The following CARM1 variants were observed in gnomAD, a reference collection of about 807,000 sequenced individuals.
The protein encoded by CARM1 is histone-arginine methyltransferase CARM1.
A neutral mutation model predicts 72.7 loss-of-function variants in CARM1; 14 were observed. The observed-to-expected ratio is 0.19, with a 90% CI of 0.13 to 0.30. The LOEUF (loss-of-function observed/expected upper bound fraction) is 0.30, where lower values mean the gene tolerates loss of function less well. Among genes scored for constraint, CARM1 ranks in the 10% least tolerant of loss-of-function variants. The pLI is 1.00. For synonymous variants in CARM1, 333 were observed against 345.5 expected (o/e 0.96, Z 0.40); for missense variants, 432 against 833.7 (o/e 0.52, Z 5.93).
chr19:10,921,287 G>A (rs1437404613), intron 14 of CARM1, 88 bp from the exon 15 acceptor site: 94 of 1,523,102 alleles, frequency 6.2e-5, no homozygotes, highest in Non-Finnish European at 7.3e-5. Context: ...TCTCTGCCTC[G>A]CTCTGCAGCC....
chr19:10,921,510 C>G, intron 15 of CARM1, 67 bp downstream of exon 15: 2 of 1,567,544 alleles, frequency 1.3e-6, no homozygotes, highest in Non-Finnish European at 1.7e-6. Context: ...ATCCTCTGTC[C>G]GGCCGCCCGC....
chr19:10,889,283 C>G (rs2073964049), intron 1 of CARM1, among the ~76,000 whole-genome samples: 1 of 152,072 alleles, frequency 6.6e-6, no homozygotes, highest in Non-Finnish European at 1.5e-5. Flanking sequence ...GCCCATACAC[C>G]ACCCAGTGTC....
chr19:10,872,040 T>C (rs1367498887), intron 1 of CARM1, 118 bp downstream of exon 1: 2 of 866,186 alleles, frequency 2.3e-6, no homozygotes, highest in Non-Finnish European at 1.5e-6. Flanking sequence ...TCCCCGGGAC[T>C]GAGCCGGTGG....
At chr19:10,875,574 G>A (rs184973056) in intron 1 of CARM1, among the ~76,000 whole-genome samples, 12 of 152,034 alleles carry the variant, frequency 7.9e-5, no homozygotes, top group Middle Eastern at 3.4e-3. Flanking sequence ...ACAGGCGCCC[G>A]CCACCACGCC....
rs1451423773 is a variant in CARM1, at chr19:10,921,759, G to A, written c.*2G>A. 2 of 1,584,582 alleles carry A rather than the reference G, an allele frequency of 1.3e-6. No individual in the cohort carries two copies. Among genetic ancestry groups the A allele is most frequent in the Non-Finnish European group, 1.7e-6 (2 of 1,161,336 alleles). ...AACACCATGCACTACGGGAGCTAGG[G>A]GCCCGCCCCGCGGACTGACAGCACC... On this transcript the variant is annotated 3_prime_UTR_variant, in exon 16 of 16. Coordinates refer to ENST00000327064, the MANE Select transcript of CARM1 (RefSeq NM_199141.2).
Position 10,916,601 on chromosome 19 carries a change from G to A in CARM1, c.939-95G>A, listed in dbSNP as rs946492959. ...CACTCCTCTTTTTCTGAAAGACTTG[G>A]GCTAGATGAGGGCTGACTGGGAGAG... On this transcript the variant is annotated intron_variant, in intron 7 of 15. Coordinates refer to ENST00000327064, the MANE Select transcript of CARM1 (RefSeq NM_199141.2). The surrounding 1 kb of genome is among the most constrained non-coding windows in gnomAD (Gnocchi z 4.4). 3 of 1,381,790 alleles carry A rather than the reference G, an allele frequency of 2.2e-6. No individual in the cohort carries two copies. The Admixed American group carries it at 5.8e-5, about 27-fold the overall frequency. 85.6% of individuals were successfully genotyped at this position (1,381,790 alleles called of 1,614,324 possible).
chr19:10,920,364 C>A lies in CARM1; in HGVS notation c.1197-72C>A, dbSNP rs1202050857. ...AGGGGGCAGGTGCTTGGGGAGGACT[C>A]AAGGCATACAAGGTGGTGGCTCCAG... On this transcript the variant is annotated intron_variant, in intron 10 of 15. Coordinates refer to ENST00000327064, the MANE Select transcript of CARM1 (RefSeq NM_199141.2). The surrounding 1 kb of genome is among the most constrained non-coding windows in gnomAD (Gnocchi z 5.3). The A allele has an allele frequency of 5.8e-6, 9 of 1,541,470 alleles. No individual in the cohort carries two copies. The highest frequency in any genetic ancestry group is 8.8e-7 in the Non-Finnish European group (1 of 1,135,466).
intron 4 of CARM1, among the ~76,000 whole-genome samples, chr19:10,909,694 G>A (rs926439021): frequency 6.6e-6 from 1 of 152,108 alleles, no homozygotes; most frequent in Non-Finnish European, 1.5e-5. Flanking sequence ...CTGAGATCGC[G>A]CCACTGCACT....
At position 10,899,020 on chromosome 19, in the gene CARM1, C is replaced by CACGG. The variant is rs1475991677; in HGVS notation, c.221-5930_221-5927dup. ...GGAGTCTCCTGAACAAAGAGAGGAACACGGCTTAGCTTGTTTTTTTTTTTT... is the reference window on the plus strand; with the variant it reads ...GGAGTCTCCTGAACAAAGAGAGGAACACGGACGGCTTAGCTTGTTTTTTTTTTTT... On this transcript the variant is annotated intron_variant, in intron 1 of 15. Coordinates refer to ENST00000327064, the MANE Select transcript of CARM1 (RefSeq NM_199141.2). Among the ~76,000 whole-genome samples the CACGG allele has an allele frequency of 5.4e-5, 8 of 149,450 alleles. 1 individual carries two copies. Among genetic ancestry groups the CACGG allele is most frequent in the Admixed American group, 5.3e-4 (8 of 15,030 alleles).
chr19:10,885,049 CCAGGCCTTAGTT>C (rs2146308716), intron 1 of CARM1, among the ~76,000 whole-genome samples: 1 of 152,284 alleles, frequency 6.6e-6, no homozygotes, highest in South Asian at 2.1e-4. Context: ...ACACACATGC[CCAGGCCTTAGTT>C]CTGTTTGATG....
intron 1 of CARM1, among the ~76,000 whole-genome samples, chr19:10,895,491 G>A (rs373014803): frequency 6.6e-6 from 1 of 152,230 alleles, no homozygotes; most frequent in African/African-American, 2.4e-5. Flanking sequence ...TGCTTGTTCC[G>A]TTGCTTTCTG....
intron 1 of CARM1, among the ~76,000 whole-genome samples, chr19:10,900,178 G>C (rs2074053726): frequency 6.6e-6 from 1 of 152,166 alleles, no homozygotes. Context: ...CAGGGGTGGT[G>C]GCATGTGCGT....
At position 10,921,940 on chromosome 19, in the gene CARM1, T is replaced by C; in HGVS notation, c.*183T>C. On this transcript the variant is annotated 3_prime_UTR_variant, in exon 16 of 16. Transcript: ENST00000327064. ...CGCCGTCCCCACCCTAACCCCCACC[T>C]CCCGGCCCTGAGCGTGTGTCGCTGC... The C allele has an allele frequency of 1.8e-6, 1 of 565,924 alleles. No homozygotes were observed. The highest frequency in any genetic ancestry group is 3.5e-5 in the Admixed American group (1 of 28,458). 35.1% of individuals were successfully genotyped at this position (565,924 alleles called of 1,614,324 possible).
At position 10,912,147 on chromosome 19, in the gene CARM1, T is replaced by G. The variant is rs766366512; in HGVS notation, c.559-37T>G. On this transcript the variant is annotated intron_variant, in intron 4 of 15. Transcript: ENST00000327064. This position sits in a 1 kb window ranked among gnomAD's most constrained non-coding sequence, Gnocchi z 4.5. The stretch of plus-strand genomic sequence containing the variant: ...CTGTCACCTCCCCATCACCGTCGCC[T>G]CCTATGTCTCGCTCTCACCTCCCAC... 6.7e-7 allele frequency: 1 copy of G among 1,493,356 alleles called. No homozygotes were observed. The highest frequency in any genetic ancestry group is 9.3e-7 in the Non-Finnish European group (1 of 1,069,556). The allele number at this position is 1,493,356 out of a possible 1,614,324, so 92.5% of individuals were successfully genotyped here. A position where few individuals can be genotyped will look rare whatever the true frequency, so the allele number is the denominator to read the frequency against.
In CARM1 at chr19:10,906,539, C is replaced by T. The variant is rs562932301; in HGVS notation, c.346+1463C>T. On this transcript the variant is annotated intron_variant, in intron 2 of 15. Coordinates refer to ENST00000327064, the MANE Select transcript of CARM1 (RefSeq NM_199141.2). ...GTGCAGTGGCGCGATCTCGGCTCACCGCAACCTCCATCTCCCAGGTTCAAG... is the reference window on the plus strand; with the variant it reads ...GTGCAGTGGCGCGATCTCGGCTCACTGCAACCTCCATCTCCCAGGTTCAAG... 4.6e-5 allele frequency among the ~76,000 whole-genome samples: 7 copies of T among 152,082 alleles called. No homozygotes were observed. The South Asian group carries it at 8.3e-4, about 18-fold the overall frequency.
chr19:10,878,391 A>G (rs2073878670), intron 1 of CARM1, among the ~76,000 whole-genome samples: 3 of 152,174 alleles, frequency 2.0e-5, no homozygotes, highest in Admixed American at 1.3e-4. Flanking sequence ...AAGAGAAACC[A>G]AAAAATCCTC....
intron 1 of CARM1, among the ~76,000 whole-genome samples, chr19:10,873,171 A>G (rs1262976480): frequency 6.6e-6 from 1 of 152,122 alleles, no homozygotes; most frequent in African/African-American, 2.4e-5. Flanking sequence ...AGCAAAACCT[A>G]TTCACTGGGC....
Position 10,912,088 on chromosome 19 carries a change from A to C in CARM1, c.559-96A>C. 2.3e-6 allele frequency: 2 copies of C among 888,558 alleles called. No homozygotes were observed. The highest frequency in any genetic ancestry group is 3.8e-6 in the Non-Finnish European group (2 of 520,192). 55.0% of individuals were successfully genotyped at this position (888,558 alleles called of 1,614,324 possible). A position where few individuals can be genotyped will look rare whatever the true frequency, so the allele number is the denominator to read the frequency against. The stretch of plus-strand genomic sequence containing the variant: ...AAGGGCAAACATTGAGAGTGAAGAC[A>C]GACGCCTCATGATGTGCACATCCCT... On this transcript the variant is annotated intron_variant, in intron 4 of 15. Transcript: ENST00000327064. This position sits in a 1 kb window ranked among gnomAD's most constrained non-coding sequence, Gnocchi z 4.5.
intron 15 of CARM1, 53 bp downstream of exon 15, chr19:10,921,496 C>A: frequency 1.3e-6 from 2 of 1,573,448 alleles, no homozygotes; most frequent in Non-Finnish European, 1.7e-6. Context: ...GCGTGTGAGT[C>A]GCCATCCTCT....
Sources: gnomAD v4.1 joint callset for allele counts (sites outside exome capture counted in the v4.1 genomes callset) on GRCh38, gnomAD v4.1.1 for gene constraint, Gnocchi (gnomAD v3.1) non-coding constraint, MANE v1.5 for transcripts, NCBI Gene and HGNC (gene_info 2026-07-23, HGNC 2026-07-21) for gene names.